TNFRSF10C: variants seen among roughly 807,000 people sequenced by gnomAD.
TNFRSF10C encodes the protein tumor necrosis factor receptor superfamily member 10C.
TNFRSF10C carries 17 observed loss-of-function variants against 16.7 expected under a neutral mutation model. That is an observed-to-expected ratio of 1.02 (90% CI 0.70 to 1.53). The LOEUF is 1.53. TNFRSF10C is among the 40% of genes most tolerant of loss of function. The pLI, the probability that TNFRSF10C is intolerant of heterozygous loss-of-function variation, is 0.00. For synonymous variants in TNFRSF10C, 73 were observed against 119.7 expected (o/e 0.61, Z 2.55); for missense variants, 237 against 329.7 (o/e 0.72, Z 2.18).
chr8:23,103,400 T>A (rs1813708149), intron 1 of TNFRSF10C: 3 of 778,866 alleles, frequency 3.9e-6, no homozygotes, highest in Non-Finnish European at 6.2e-6. Flanking sequence ...TCCCCCTGGC[T>A]GCCCCGAGCC....
At chr8:23,115,126 G>A (rs576642743) in intron 3 of TNFRSF10C, among the ~76,000 whole-genome samples, 2 of 152,102 alleles carry the variant, frequency 1.3e-5, no homozygotes, top group East Asian at 3.9e-4. Flanking sequence ...GCCTCACTCA[G>A]CCTTCAGGTT....
intron 1 of TNFRSF10C, among the ~76,000 whole-genome samples, chr8:23,109,799 C>T (rs760132382): frequency 1.3e-5 from 2 of 152,030 alleles, no homozygotes; most frequent in Non-Finnish European, 2.9e-5. Flanking sequence ...TGTGCGGTGG[C>T]TTACGCCTGT....
chr8:23,105,656 T>C (rs527895504), intron 1 of TNFRSF10C, among the ~76,000 whole-genome samples: 96 of 152,264 alleles, frequency 6.3e-4, no homozygotes, highest in African/African-American at 2.2e-3. Context: ...TCACCCAGGC[T>C]GTACTGAGAG....
At position 23,111,319 on chromosome 8, in the gene TNFRSF10C, C is replaced by G. The variant is rs376646551; in HGVS notation, c.61-401C>G. 2.0e-5 allele frequency among the ~76,000 whole-genome samples: 3 copies of G among 151,866 alleles called. No homozygotes were observed. The East Asian group carries it at 5.8e-4, about 29-fold the overall frequency. On this transcript the variant is annotated intron_variant, in intron 1 of 4. Coordinates refer to ENST00000356864, the MANE Select transcript of TNFRSF10C (RefSeq NM_003841.5). ...GCAACCTCTGCCTCTCAGGTTCAAG[C>G]TATTCTCCTGCCTCAGCCTCCTGAG...
intron 2 of TNFRSF10C, among the ~76,000 whole-genome samples, chr8:23,112,904 A>G (rs1813906786): frequency 6.6e-6 from 1 of 151,700 alleles, no homozygotes; most frequent in Admixed American, 6.5e-5. Context: ...ACTGTTTTCC[A>G]TAATGGCTGT....
intron 1 of TNFRSF10C, among the ~76,000 whole-genome samples, chr8:23,103,722 C>G (rs1813715833): frequency 6.6e-6 from 1 of 152,152 alleles, no homozygotes; most frequent in African/African-American, 2.4e-5. Flanking sequence ...CACTACCACC[C>G]GTGTGTCCCC....
chr8:23,114,593 C>G, intron 2 of TNFRSF10C, 64 bp from the exon 3 acceptor site: 1 of 1,382,056 alleles, frequency 7.2e-7, no homozygotes, highest in Non-Finnish European at 1.0e-6. Context: ...GAAGTTTCCC[C>G]ACCACTGTCA....
intron 2 of TNFRSF10C, 55 bp from the exon 3 acceptor site, chr8:23,114,602 C>T: frequency 2.1e-6 from 3 of 1,445,602 alleles, no homozygotes; most frequent in South Asian, 2.3e-5. Context: ...CCACCACTGT[C>T]AGCCTCTGGG....
At position 23,115,519 on chromosome 8, in the gene TNFRSF10C, A is replaced by G. The variant is rs1246933705; in HGVS notation, c.292A>G (p.Lys98Glu). The G allele has an allele frequency of 1.9e-6, 3 of 1,612,632 alleles. No individual in the cohort carries two copies. Among genetic ancestry groups the G allele is most frequent in the Admixed American group, 1.7e-5 (1 of 59,842 alleles). Residue 98 changes from lysine (K) to glutamate (E), a missense_variant, in exon 4 of 5, where the codon AAA becomes GAA. This residue lies in a region of TNFRSF10C where 212 missense variants were observed against 196.8 expected (regional missense o/e 1.08). Coordinates refer to ENST00000356864, the MANE Select transcript of TNFRSF10C (RefSeq NM_003841.5). Reference sequence around the variant, plus strand: ...TGCTCTGTTGTCAGATCAAAAACATAAAAGTTCCTGCACCATGACCAGAGA... The same window carrying G: ...TGCTCTGTTGTCAGATCAAAAACATGAAAGTTCCTGCACCATGACCAGAGA... ...CTVCKSDQKH[K>E]SSCTMTRDTV...
At chr8:23,111,505 G>A (rs57655930) in intron 1 of TNFRSF10C, among the ~76,000 whole-genome samples, 23,457 of 132,758 alleles carry the variant, frequency 0.18, 2,292 homozygotes, top group East Asian at 0.33. Context: ...TTGAGCCATC[G>A]CGCTTGCCTG....
intron 1 of TNFRSF10C, among the ~76,000 whole-genome samples, chr8:23,111,064 C>T (rs1317094209): frequency 6.6e-6 from 1 of 152,074 alleles, no homozygotes; most frequent in Non-Finnish European, 1.5e-5. Flanking sequence ...ATGATCACAC[C>T]TGTGAATAGC....
At chr8:23,116,261 C>G (rs542270335) in intron 4 of TNFRSF10C, among the ~76,000 whole-genome samples, 2 of 152,234 alleles carry the variant, frequency 1.3e-5, no homozygotes, top group Non-Finnish European at 2.9e-5. Context: ...AACCAGCAGA[C>G]AGTTGGGGGT....
intron 1 of TNFRSF10C, chr8:23,103,519 A>C: frequency 2.4e-6 from 1 of 408,690 alleles, no homozygotes; most frequent in Non-Finnish European, 4.5e-6. Context: ...TTAATTAATT[A>C]ATTAGTTAAT....
At chr8:23,106,563 T>C (rs139634817) in intron 1 of TNFRSF10C, among the ~76,000 whole-genome samples, 1 of 152,246 alleles carries the variant, frequency 6.6e-6, no homozygotes, top group East Asian at 1.9e-4. Flanking sequence ...AGTTACTTAT[T>C]TACTGAATTA....
intron 3 of TNFRSF10C, 104 bp from the exon 4 acceptor site, chr8:23,115,404 C>T: frequency 1.1e-6 from 1 of 930,708 alleles, no homozygotes; most frequent in South Asian, 1.6e-5. Flanking sequence ...CCTTAGAACT[C>T]CTTGGTGAAC....
chr8:23,108,152 TA>T (rs1458406051), intron 1 of TNFRSF10C, among the ~76,000 whole-genome samples: 6 of 151,842 alleles, frequency 4.0e-5, no homozygotes, highest in African/African-American at 1.5e-4. Context: ...TAAAAAGCTT[TA>T]GAACAGGAAG....
In TNFRSF10C at chr8:23,117,011, C is replaced by T. The variant is rs1814002590; in HGVS notation, c.760C>T (p.Leu254Phe). ...TIVGIIVLIV[L>F]LIVFV The stretch of plus-strand genomic sequence containing the variant: ...CGTAGGGATCATAGTTCTAATTGTG[C>T]TTCTGATTGTGTTTGTTTGAAAGAC... Residue 254 changes from leucine to phenylalanine, a missense_variant, in exon 5 of 5, where the codon CTT (leucine) becomes TTT (phenylalanine). By Grantham distance (22) the Leu-to-Phe change is conservative. Transcript: ENST00000356864. 6.2e-7 allele frequency: 1 copy of T among 1,613,722 alleles called. No individual in the cohort carries two copies. Among genetic ancestry groups the T allele is most frequent in the South Asian group, 1.1e-5 (1 of 91,080 alleles).
chr8:23,106,962 C>T (rs1813790948), intron 1 of TNFRSF10C, among the ~76,000 whole-genome samples: 1 of 152,138 alleles, frequency 6.6e-6, no homozygotes, highest in Middle Eastern at 3.4e-3. Context: ...CCTATGTTTC[C>T]CTGGGGACTT....
At chr8:23,114,567 A>T in intron 2 of TNFRSF10C, 90 bp from the exon 3 acceptor site, 1 of 1,021,994 alleles carries the variant, frequency 9.8e-7, no homozygotes, top group Non-Finnish European at 1.5e-6. Context: ...TCTCAATTCC[A>T]GTGAGGGCCA....
Sources: gnomAD v4.1 joint callset for allele counts (sites outside exome capture counted in the v4.1 genomes callset) on GRCh38, gnomAD v4.1.1 for gene constraint, gnomAD v4.1.1 regional missense constraint, MANE v1.5 for transcripts, NCBI Gene and HGNC (gene_info 2026-07-23, HGNC 2026-07-21) for gene names.